Variants in USP11 observed in about 807,000 individuals in gnomAD.
USP11 encodes the protein ubiquitin carboxyl-terminal hydrolase 11.
A neutral mutation model predicts 72.8 loss-of-function variants in USP11; 5 were observed. That is an observed-to-expected ratio of 0.07 (90% CI 0.04 to 0.14). The LOEUF is 0.14. Among genes scored for constraint, USP11 ranks in the 10% least tolerant of loss-of-function variants. USP11 has a pLI of 1.00. For missense variants in USP11, 480 were observed against 794.7 expected (o/e 0.60, Z 4.76); for synonymous variants, 368 against 326.5 (o/e 1.13, Z -1.37).
intron 12 of USP11, 27 bp downstream of exon 12, chrX:47,242,747 G>A (rs1383745466): frequency 3.6e-6 from 4 of 1,110,643 alleles, no homozygotes; most frequent in Non-Finnish European, 5.0e-6. Context: ...GGGAGGTGGT[G>A]GTTCCTCAGG....
At position 47,248,031 on chromosome X, in the gene USP11, G is replaced by A. The variant is rs773048994; in HGVS notation, c.*101G>A. 2.0e-5 allele frequency: 21 copies of A among 1,056,339 alleles called. No homozygotes were observed. Among genetic ancestry groups the A allele is most frequent in the South Asian group, 8.8e-5 (4 of 45,420 alleles). 87.1% of individuals were successfully genotyped at this position (1,056,339 alleles called of 1,213,427 possible). On this transcript the variant is annotated 3_prime_UTR_variant, in exon 21 of 21. Coordinates refer to ENST00000377107, the MANE Select transcript of USP11 (RefSeq NM_001371072.1). ...TCTCTTATTCGTGTTAGGTGCCCCC[G>A]CCAGGCATTGCAGGCTTAGTCGTGG...
At chrX:47,233,283 G>A in intron 1 of USP11, 64 bp downstream of exon 1, 1 of 918,269 alleles carries the variant, frequency 1.1e-6, no homozygotes, top group Non-Finnish European at 1.4e-6. Context: ...AACCGCTGGG[G>A]ATTCGGCGGC....
At chrX:47,233,312 T>G (rs1602705036) in intron 1 of USP11, 93 bp downstream of exon 1, 3 of 740,465 alleles carry the variant, frequency 4.1e-6, no homozygotes, top group South Asian at 5.4e-5. Context: ...GCGGGAAAGC[T>G]GCTGCGGGGT....
Position 47,240,644 on chromosome X carries a change from G to A in USP11, c.739G>A (p.Val247Ile). The change falls in exon 6 of 21, where the codon GTC (valine) becomes ATC (isoleucine). Residue 247 changes from valine to isoleucine, a missense_variant. Val to Ile is a conservative substitution (Grantham distance 29). This residue lies in a region of USP11 where 80 missense variants were observed against 100.9 expected (regional missense o/e 0.79). Coordinates refer to ENST00000377107, the MANE Select transcript of USP11 (RefSeq NM_001371072.1). ...CACTTGGCCCAGCGCACAGCTGCAT[G>A]TCATGTGAGCCCTTGGGGTATCTGG... ...DGTWPSAQLHVMNNNMSEEDE... is the reference protein window; with the variant it reads ...DGTWPSAQLHIMNNNMSEEDE... 1 of 1,212,258 alleles carries A rather than the reference G, an allele frequency of 8.2e-7. No homozygotes were observed. Among genetic ancestry groups the A allele is most frequent in the South Asian group, 1.8e-5 (1 of 57,061 alleles).
rs750398962 is a variant in USP11, at chrX:47,241,425, G to A, written c.995G>A (p.Arg332His). 4.1e-6 allele frequency: 5 copies of A among 1,207,385 alleles called. No individual in the cohort carries two copies. Among genetic ancestry groups the A allele is most frequent in the South Asian group, 1.8e-5 (1 of 56,098 alleles). Residue 332 changes from arginine to histidine, a missense_variant, in exon 8 of 21, where the codon CGC (arginine) becomes CAC (histidine). Physicochemically the swap from Arg to His is conservative, Grantham distance 29 (BLOSUM62 0). Coordinates refer to ENST00000377107, the MANE Select transcript of USP11 (RefSeq NM_001371072.1). ...AAGCAGGCGTGGTCTGGCCACCACC[G>A]CTCCATTGTGCCACATGTGTTCAAG... ...LVKQAWSGHH[R>H]SIVPHVFKNK...
intron 12 of USP11, among the ~76,000 whole-genome samples, chrX:47,243,044 A>C (rs1011015566): frequency 2.7e-4 from 30 of 111,758 alleles, no homozygotes; most frequent in Non-Finnish European, 4.9e-4. Context: ...CAGGCAGATC[A>C]CGAGGTCAGG....
intron 1 of USP11, 136 bp downstream of exon 1, chrX:47,233,355 G>A (rs1409835384): frequency 9.4e-7 from 1 of 1,067,509 alleles, no homozygotes; most frequent in Non-Finnish European, 1.2e-6. Flanking sequence ...CGGGACAGCG[G>A]GCTAAAGGGG....
At chrX:47,240,707 TA>T in intron 6 of USP11, 59 bp downstream of exon 6, 1 of 1,206,565 alleles carries the variant, frequency 8.3e-7, no homozygotes, top group Non-Finnish European at 1.1e-6. Flanking sequence ...CAAAATGATT[TA>T]GCCCATGAGC....
chrX:47,233,463 T>C, intron 1 of USP11: 1 of 1,037,545 alleles, frequency 9.6e-7, no homozygotes, highest in Middle Eastern at 3.9e-4. Flanking sequence ...TTTGTTGTGA[T>C]GAGACCAGTT....
Position 47,233,055 on chromosome X carries a change from C to T in USP11, c.12C>T (p.Val4=), listed in dbSNP as rs377322344. MAT[V]AANPAAAAAA... Reference sequence around the variant, plus strand: ...GAGAACGGACGGCGATGGCGACGGTCGCAGCAAATCCAGCTGCTGCTGCGG... The same window carrying T: ...GAGAACGGACGGCGATGGCGACGGTTGCAGCAAATCCAGCTGCTGCTGCGG... The change falls in exon 1 of 21, where the codon GTC becomes GTT. Residue 4 remains valine, a synonymous_variant. Coordinates refer to ENST00000377107, the MANE Select transcript of USP11 (RefSeq NM_001371072.1). 12 of 1,208,692 alleles carry T rather than the reference C, an allele frequency of 9.9e-6. No individual in the cohort carries two copies. In the African/African-American group the frequency reaches 1.2e-4, roughly 12 times the overall value.
In USP11 at chrX:47,243,403, G is replaced by A. The variant is rs2055414407; in HGVS notation, c.1591G>A (p.Val531Met). The A allele has an allele frequency of 8.3e-7, 1 of 1,211,021 alleles. No homozygotes were observed. The highest frequency in any genetic ancestry group is 2.2e-5 in the Admixed American group (1 of 45,936). Residue 531 changes from valine (V) to methionine (M), a missense_variant, in exon 13 of 21, where the codon GTG (valine) becomes ATG (methionine). Physicochemically the swap from Val to Met is conservative, Grantham distance 21. Coordinates refer to ENST00000377107, the MANE Select transcript of USP11 (RefSeq NM_001371072.1). Reference protein sequence around the residue: ...LDRDDIFVYEVSGRIEAIEGS... With the variant: ...LDRDDIFVYEMSGRIEAIEGS... ...GCTGTCCACCCCCCACAGCTATGAG[G>A]TGTCAGGTCGCATTGAGGCCATTGA... is the stretch of plus-strand genomic sequence containing the variant.
Position 47,241,676 on chromosome X carries a change from G to A in USP11, c.1156G>A (p.Asp386Asn), listed in dbSNP as rs762697251. 3.3e-6 allele frequency: 4 copies of A among 1,199,138 alleles called. No homozygotes were observed. Among genetic ancestry groups the A allele is most frequent in the African/African-American group, 3.5e-5 (2 of 56,860 alleles). ...VKKKEYVELC[D>N]AAGRPDQEVA... ...GAAGAAGGAGTATGTGGAGCTGTGC[G>A]ATGCTGCTGGGCGACCGGATCAGGT... The change falls in exon 9 of 21, where the codon GAT becomes AAT. Residue 386 changes from aspartate (D) to asparagine (N), a missense_variant. Physicochemically the swap from Asp to Asn is conservative, Grantham distance 23 (BLOSUM62 1). This residue lies in a region of USP11 where 314 missense variants were observed against 556.0 expected (regional missense o/e 0.56). Transcript: ENST00000377107.
intron 1 of USP11, among the ~76,000 whole-genome samples, chrX:47,235,327 A>G (rs1446896384): frequency 8.9e-6 from 1 of 112,346 alleles, no homozygotes; most frequent in Non-Finnish European, 1.9e-5. Flanking sequence ...CGGGTAATAC[A>G]TGGTATCCAC....
At chrX:47,234,796 T>C (rs1358561932) in intron 1 of USP11, among the ~76,000 whole-genome samples, 1 of 112,253 alleles carries the variant, frequency 8.9e-6, no homozygotes, top group African/African-American at 3.2e-5. Context: ...TTAATTGCCT[T>C]GACTTAGTCA....
At chrX:47,234,488 A>G in intron 1 of USP11, among the ~76,000 whole-genome samples, 1 of 112,150 alleles carries the variant, frequency 8.9e-6, no homozygotes, top group Non-Finnish European at 1.9e-5. Flanking sequence ...GCTGTGAAAA[A>G]TAATATCCTT....
Position 47,244,835 on chromosome X carries a change from C to A in USP11, c.1997C>A (p.Pro666Gln). ...TGCCTTGGCACATCTCAGTGGCCCCCAAGGCGACGACGCAAGCAGCTGTTC... is the reference window on the plus strand; with the variant it reads ...TGCCTTGGCACATCTCAGTGGCCCCAAAGGCGACGACGCAAGCAGCTGTTC... The part of the protein sequence containing the change: ...DNCLGTSQWP[P>Q]RRRRKQLFTL... Residue 666 changes from proline to glutamine, a missense_variant, in exon 15 of 21, where the codon CCA becomes CAA. Physicochemically the swap from Pro to Gln is moderately conservative, Grantham distance 76. Transcript: ENST00000377107. 8.3e-7 allele frequency: 1 copy of A among 1,211,521 alleles called. No homozygotes were observed. Among genetic ancestry groups the A allele is most frequent in the Non-Finnish European group, 1.1e-6 (1 of 895,405 alleles).
rs2055415219 is a variant in USP11, at chrX:47,243,552, G to A, written c.1740G>A (p.Arg580=). 8.3e-7 allele frequency: 1 copy of A among 1,211,885 alleles called. No homozygotes were observed. Among genetic ancestry groups the A allele is most frequent in the Non-Finnish European group, 1.1e-6 (1 of 895,541 alleles). The stretch of plus-strand genomic sequence containing the variant: ...ACCCCCTCCTGGTATCAGTGCCCCG[G>A]GACCGCTTCACCTGGGAGGGCCTGT... ...FGHPLLVSVP[R]DRFTWEGLYN... Residue 580 remains arginine (R), a synonymous_variant, in exon 13 of 21, where the codon CGG becomes CGA. Transcript: ENST00000377107.
At position 47,245,972 on chromosome X, in the gene USP11, G is replaced by C. The variant is rs765136739; in HGVS notation, c.2270+490G>C. Among the ~76,000 whole-genome samples, 3 of 111,474 alleles carry C rather than the reference G, an allele frequency of 2.7e-5. No individual in the cohort carries two copies. The South Asian group carries it at 1.1e-3, about 42-fold the overall frequency. On this transcript the variant is annotated intron_variant, in intron 17 of 20. Transcript: ENST00000377107. Reference sequence around the variant, plus strand: ...CTTGGCCTGTGCTGTTCCTTCTCCAGGAATGTTGTTCCCAGTGATCTACAG... The same window carrying C: ...CTTGGCCTGTGCTGTTCCTTCTCCACGAATGTTGTTCCCAGTGATCTACAG...
intron 12 of USP11, 47 bp downstream of exon 12, chrX:47,242,767 C>T (rs1442485770): frequency 2.0e-6 from 2 of 1,022,185 alleles, no homozygotes; most frequent in Non-Finnish European, 2.8e-6. Context: ...GAACTTGGTC[C>T]ACTTCCTTTT....
Sources: gnomAD v4.1 joint callset for allele counts (sites outside exome capture counted in the v4.1 genomes callset) on GRCh38, gnomAD v4.1.1 for gene constraint, gnomAD v4.1.1 regional missense constraint, MANE v1.5 for transcripts, NCBI Gene and HGNC (gene_info 2026-07-23, HGNC 2026-07-21) for gene names.